The following RPS6KB1 variants were observed in gnomAD, a reference collection of about 807,000 sequenced individuals.
The protein encoded by RPS6KB1 is ribosomal protein S6 kinase B1.
In RPS6KB1, 12 loss-of-function variants were observed where a neutral mutation model predicts 70.2. The ratio of observed to expected loss-of-function variants is 0.17; its 90% confidence interval spans 0.11 to 0.28. RPS6KB1 has a LOEUF of 0.28. Ranked by LOEUF, RPS6KB1 falls within the 10% of genes least tolerant of loss-of-function variation. The pLI is 1.00. For synonymous variants in RPS6KB1, 175 were observed against 211.2 expected (o/e 0.83, Z 1.49); for missense variants, 270 against 646.6 (o/e 0.42, Z 6.32).
chr17:59,915,943 G>A (rs1301620323), intron 4 of RPS6KB1, among the ~76,000 whole-genome samples: 5 of 149,028 alleles, frequency 3.4e-5, no homozygotes, highest in East Asian at 4.0e-4. Context: ...GTGCCACCAC[G>A]CCCGGCTAAT....
At chr17:59,943,759 A>G (rs1013797065) in intron 13 of RPS6KB1, among the ~76,000 whole-genome samples, 1 of 151,352 alleles carries the variant, frequency 6.6e-6, no homozygotes, top group Non-Finnish European at 1.5e-5. Context: ...AGTCCCAGCT[A>G]CTCGGGAGGC....
intron 5 of RPS6KB1, among the ~76,000 whole-genome samples, chr17:59,929,907 A>G (rs529058880): frequency 6.6e-6 from 1 of 152,316 alleles, no homozygotes; most frequent in East Asian, 1.9e-4. Context: ...GTTTTTAAAT[A>G]TATGTGTGTC....
chr17:59,913,990 C>T (rs889255335), intron 3 of RPS6KB1, among the ~76,000 whole-genome samples: 1 of 152,188 alleles, frequency 6.6e-6, no homozygotes, highest in Non-Finnish European at 1.5e-5. Context: ...TGTGAGCCAC[C>T]TCACCTGGCC....
chr17:59,923,011 G>A (rs1484494902), intron 4 of RPS6KB1, among the ~76,000 whole-genome samples: 1 of 150,150 alleles, frequency 6.7e-6, no homozygotes, highest in South Asian at 2.1e-4. Context: ...GGATAGGTGC[G>A]TGCCACCATA....
chr17:59,944,809 T>A (rs1037983412), intron 13 of RPS6KB1, among the ~76,000 whole-genome samples: 123 of 147,328 alleles, frequency 8.3e-4, no homozygotes, highest in Middle Eastern at 3.4e-3. Flanking sequence ...TTTTTTTTTT[T>A]AATTTTTGAG....
At chr17:59,917,449 T>C (rs1439454064) in intron 4 of RPS6KB1, among the ~76,000 whole-genome samples, 2 of 152,000 alleles carry the variant, frequency 1.3e-5, no homozygotes, top group Admixed American at 1.3e-4. Flanking sequence ...AATTTATTTA[T>C]TTTTAAGAGA....
intron 1 of RPS6KB1, among the ~76,000 whole-genome samples, chr17:59,901,166 TTGAGACGGAG>T (rs1459457883): frequency 6.7e-6 from 1 of 150,140 alleles, no homozygotes; most frequent in East Asian, 2.1e-4. Flanking sequence ...GCATTTTTTT[TTGAGACGGAG>T]TCTCGCTCTG....
intron 13 of RPS6KB1, among the ~76,000 whole-genome samples, chr17:59,943,355 C>G (rs1022350726): frequency 1.3e-5 from 2 of 152,114 alleles, no homozygotes; most frequent in Non-Finnish European, 2.9e-5. Flanking sequence ...TTGGACATTG[C>G]AGAATTTCAA....
At chr17:59,944,954 A>G (rs1439672395) in intron 13 of RPS6KB1, among the ~76,000 whole-genome samples, 11 of 151,724 alleles carry the variant, frequency 7.3e-5, no homozygotes, top group Admixed American at 7.2e-4. Flanking sequence ...GTGCACCACC[A>G]TGCATGGTGG....
At chr17:59,924,851 C>T (rs1298571675) in intron 4 of RPS6KB1, among the ~76,000 whole-genome samples, 3 of 150,138 alleles carry the variant, frequency 2.0e-5, no homozygotes, top group East Asian at 1.9e-4. Context: ...TTTTTTGAGA[C>T]GGAGTCTCAC....
chr17:59,921,776 A>T (rs1405400237), intron 4 of RPS6KB1, among the ~76,000 whole-genome samples: 1 of 152,082 alleles, frequency 6.6e-6, no homozygotes, highest in Admixed American at 6.5e-5. Flanking sequence ...ACTATTGCCT[A>T]CGGCATTAGT....
intron 12 of RPS6KB1, among the ~76,000 whole-genome samples, chr17:59,940,275 C>CTTTTTTTTTTTTTTTTTTTTTTTTT (rs559026454): frequency 1.2e-5 from 1 of 81,490 alleles, no homozygotes; most frequent in Non-Finnish European, 2.3e-5. Flanking sequence ...GATATATTCA[C>CTTTTTTTTTTTTTTTTTTTTTTTTT]TTTTTTTTTT....
intron 4 of RPS6KB1, among the ~76,000 whole-genome samples, chr17:59,922,832 C>T (rs1174744390): frequency 6.6e-6 from 1 of 150,618 alleles, no homozygotes; most frequent in South Asian, 2.1e-4. Context: ...ACGTGAGCCA[C>T]TGCGCCTGGC....
At position 59,926,414 on chromosome 17, in the gene RPS6KB1, AGAT is replaced by A; in HGVS notation, c.382-17_382-15del. 4.6e-6 allele frequency: 7 copies of A among 1,537,334 alleles called. No individual in the cohort carries two copies. Among genetic ancestry groups the A allele is most frequent in the Non-Finnish European group, 6.2e-6 (7 of 1,125,038 alleles). On this transcript the variant is annotated intron_variant, in intron 4 of 14. Coordinates refer to ENST00000225577, the MANE Select transcript of RPS6KB1 (RefSeq NM_003161.4). Reference sequence around the variant, plus strand: ...AAAATGTTCACTATTTTGTTCTTATAGATGATCTCTTTTCCTTTAGGCAATGAT... The same window carrying A: ...AAAATGTTCACTATTTTGTTCTTATAGATCTCTTTTCCTTTAGGCAATGAT...
At chr17:59,899,765 G>T (rs2041797622) in intron 1 of RPS6KB1, among the ~76,000 whole-genome samples, 1 of 152,036 alleles carries the variant, frequency 6.6e-6, no homozygotes, top group Non-Finnish European at 1.5e-5. Context: ...ATCATGAAGT[G>T]TACATTCCTG....
chr17:59,916,831 T>C (rs899588557), intron 4 of RPS6KB1, among the ~76,000 whole-genome samples: 1 of 152,220 alleles, frequency 6.6e-6, no homozygotes, highest in Non-Finnish European at 1.5e-5. Flanking sequence ...AGACAAGGTA[T>C]ATAAAGATAC....
At chr17:59,921,894 C>G (rs2043286453) in intron 4 of RPS6KB1, among the ~76,000 whole-genome samples, 1 of 152,118 alleles carries the variant, frequency 6.6e-6, no homozygotes, top group Non-Finnish European at 1.5e-5. Flanking sequence ...TTACTTGATT[C>G]CTACAATGCC....
In RPS6KB1 at chr17:59,936,656, G is replaced by A. The variant is rs1485257713; in HGVS notation, c.1119+115G>A. 17 of 826,052 alleles carry A rather than the reference G, an allele frequency of 2.1e-5. No homozygotes were observed. The East Asian group carries it at 4.0e-4, about 19-fold the overall frequency. The allele number at this position is 826,052 out of a possible 1,614,324, so 51.2% of individuals were successfully genotyped here. ...AGGCCAGGAGTTCAAGACCAGCATG[G>A]GCAACATAACAAGACTCCATATCTA... is the stretch of plus-strand genomic sequence containing the variant. On this transcript the variant is annotated intron_variant, in intron 12 of 14. Transcript: ENST00000225577.
In RPS6KB1 at chr17:59,949,655, A is replaced by G. The variant is rs935491200; in HGVS notation, c.*2867A>G. On this transcript the variant is annotated 3_prime_UTR_variant, in exon 15 of 15. Coordinates refer to ENST00000225577, the MANE Select transcript of RPS6KB1 (RefSeq NM_003161.4). ...TTTGAACCAGATTTTTAGGAAAATT[A>G]TGTTCTTTTTCCCCCTTTATGGTCT... 5 of 152,500 alleles carry G rather than the reference A, an allele frequency of 3.3e-5. No individual in the cohort carries two copies. Among genetic ancestry groups the G allele is most frequent in the African/African-American group, 1.2e-4 (5 of 41,430 alleles). 9.4% of individuals were successfully genotyped at this position (152,500 alleles called of 1,614,324 possible).
Sources: gnomAD v4.1 joint callset for allele counts (sites outside exome capture counted in the v4.1 genomes callset) on GRCh38, gnomAD v4.1.1 for gene constraint, MANE v1.5 for transcripts, NCBI Gene and HGNC (gene_info 2026-07-23, HGNC 2026-07-21) for gene names.